The following LDB2 variants were observed in gnomAD, a reference collection of about 807,000 sequenced individuals.
The protein encoded by LDB2 is LIM domain binding 2, also known as LIM domain-binding protein 2.
In LDB2, 12 loss-of-function variants were observed where a neutral mutation model predicts 44.3. The observed-to-expected ratio is 0.27, with a 90% confidence interval of 0.17 to 0.44. LDB2 has a LOEUF of 0.44. LDB2 is among the 20% of genes least tolerant of loss of function. LDB2 has a pLI of 1.00. For synonymous variants in LDB2, 164 were observed against 174.8 expected, an observed-to-expected ratio of 0.94 and a Z score of 0.49; for missense variants, 344 against 473.5, an observed-to-expected ratio of 0.73 and a Z score of 2.54.
At chr4:16,600,293 T>A (rs1336581411) in intron 2 of LDB2, among the ~76,000 whole-genome samples, 14 of 152,216 alleles carry the variant, frequency 9.2e-5, no homozygotes, top group Admixed American at 8.5e-4. Context: ...AATATTGATA[T>A]ACATAAATCT....
At chr4:16,889,213 G>A (rs1464441217) in intron 1 of LDB2, 3 of 152,054 alleles carry the variant, frequency 2.0e-5, no homozygotes, top group Non-Finnish European at 4.4e-5. Flanking sequence ...CTTCAAATAA[G>A]CTGATTAATG....
intron 1 of LDB2, among the ~76,000 whole-genome samples, chr4:16,817,794 G>A (rs897074764): frequency 2.6e-5 from 4 of 152,026 alleles, no homozygotes; most frequent in African/African-American, 9.7e-5. Context: ...AGTATCGAGC[G>A]CAAGGAGTCA....
At chr4:16,564,317 C>T (rs112366628) in intron 5 of LDB2, among the ~76,000 whole-genome samples, 3 of 152,090 alleles carry the variant, frequency 2.0e-5, no homozygotes, top group Non-Finnish European at 4.4e-5. Context: ...GCTGAGATCT[C>T]GTCACCGCAC....
At chr4:16,867,572 G>C (rs1335195186) in intron 1 of LDB2, among the ~76,000 whole-genome samples, 1 of 152,164 alleles carries the variant, frequency 6.6e-6, no homozygotes, top group Non-Finnish European at 1.5e-5. Flanking sequence ...GCCCAGGTTT[G>C]TAGTGTTTTC....
intron 2 of LDB2, among the ~76,000 whole-genome samples, chr4:16,682,938 A>G (rs1179334369): frequency 2.0e-5 from 3 of 152,192 alleles, no homozygotes; most frequent in Non-Finnish European, 4.4e-5. Context: ...TTTCATTTTG[A>G]CATACAGGAT....
chr4:16,682,709 C>T (rs1184716553), intron 2 of LDB2, among the ~76,000 whole-genome samples: 1 of 152,188 alleles, frequency 6.6e-6, no homozygotes, highest in Non-Finnish European at 1.5e-5. Context: ...AAGACTTACC[C>T]CAGTGCAGCT....
chr4:16,691,648 C>T (rs1750795450), intron 2 of LDB2, among the ~76,000 whole-genome samples: 2 of 152,270 alleles, frequency 1.3e-5, no homozygotes, highest in South Asian at 4.1e-4. Context: ...CATGTGAGAT[C>T]AATCTCAACT....
intron 5 of LDB2, among the ~76,000 whole-genome samples, chr4:16,544,905 C>T (rs1735154760): frequency 6.6e-6 from 1 of 152,008 alleles, no homozygotes; most frequent in African/African-American, 2.4e-5. Context: ...GCATAGGACT[C>T]AATGAGATAT....
At chr4:16,845,790 A>T (rs1035243656) in intron 1 of LDB2, among the ~76,000 whole-genome samples, 15 of 152,166 alleles carry the variant, frequency 9.9e-5, no homozygotes, top group African/African-American at 3.6e-4. Flanking sequence ...GTGCAAGAGA[A>T]GTCAAATAGT....
At position 16,720,860 on chromosome 4, in the gene LDB2, C is replaced by T. The variant is rs563293373; in HGVS notation, c.235+38298G>A. Among the ~76,000 whole-genome samples the T allele has an allele frequency of 9.3e-4, 142 of 152,136 alleles. 1 individual carries two copies. The highest frequency in any genetic ancestry group is 3.1e-3 in the Admixed American group (48 of 15,264). Reference sequence around the variant, plus strand: ...TATTTCATGGATAGAAGCTATAAAGCGGTAGGATCCTTCTCAATACAAGGA... The same window carrying T: ...TATTTCATGGATAGAAGCTATAAAGTGGTAGGATCCTTCTCAATACAAGGA... On this transcript the variant is annotated intron_variant, in intron 2 of 7. Coordinates refer to ENST00000304523, the MANE Select transcript of LDB2 (RefSeq NM_001290.5).
Position 16,657,560 on chromosome 4 carries a change from G to C in LDB2, c.236-61685C>G, listed in dbSNP as rs141439519. Among the ~76,000 whole-genome samples the C allele has an allele frequency of 1.9e-3, 282 of 152,244 alleles. 2 individuals are homozygous for C. Among genetic ancestry groups the C allele is most frequent in the African/African-American group, 6.5e-3 (269 of 41,546 alleles). ...TCAAACTTGGAAAATACACAAGTCT[G>C]CCACAAAGCCTACAAGGCCCTACAT... On this transcript the variant is annotated intron_variant, in intron 2 of 7. Transcript: ENST00000304523.
chr4:16,614,580 C>CAAAAAA (rs1164613202), intron 2 of LDB2, among the ~76,000 whole-genome samples: 25 of 53,766 alleles, frequency 4.6e-4, no homozygotes, highest in African/African-American at 7.1e-4. Context: ...CAAGAAAAAA[C>CAAAAAA]AAAAAAAAAA....
chr4:16,755,472 GGTGTGT>G (rs58186199), intron 2 of LDB2, among the ~76,000 whole-genome samples: 20,954 of 118,340 alleles, frequency 0.18, 1,324 homozygotes, highest in Middle Eastern at 0.26. Context: ...GTAGGAATAG[GGTGTGT>G]GTGTGTGTGT....
At chr4:16,595,594 T>A (rs1720644117) in intron 3 of LDB2, 109 bp downstream of exon 3, 1 of 932,136 alleles carries the variant, frequency 1.1e-6, no homozygotes, top group South Asian at 1.7e-5. Flanking sequence ...GTTGAAAGTG[T>A]CTGGGAGATG....
chr4:16,859,890 G>C (rs1328148640), intron 1 of LDB2, among the ~76,000 whole-genome samples: 1 of 152,186 alleles, frequency 6.6e-6, no homozygotes. Flanking sequence ...CAGGCACTAT[G>C]CAAAACGCTT....
intron 1 of LDB2, among the ~76,000 whole-genome samples, chr4:16,854,973 A>C (rs1789058841): frequency 6.6e-6 from 1 of 151,516 alleles, no homozygotes; most frequent in Admixed American, 6.6e-5. Context: ...ATATAATTTC[A>C]CTTCTAAAAA....
At chr4:16,768,840 ATATAAG>A (rs1314403304) in intron 1 of LDB2, among the ~76,000 whole-genome samples, 2 of 151,926 alleles carry the variant, frequency 1.3e-5, no homozygotes, top group African/African-American at 2.4e-5. Flanking sequence ...TGACCCTATA[ATATAAG>A]TAGCATTATT....
chr4:16,594,159 C>T (rs768229100), intron 3 of LDB2, among the ~76,000 whole-genome samples: 2 of 150,130 alleles, frequency 1.3e-5, no homozygotes, highest in Middle Eastern at 6.8e-3. Context: ...TAACATTAAG[C>T]CTAGAGGAAA....
At chr4:16,584,167 A>G (rs1560545294) in intron 5 of LDB2, among the ~76,000 whole-genome samples, 1 of 152,194 alleles carries the variant, frequency 6.6e-6, no homozygotes, top group Non-Finnish European at 1.5e-5. Flanking sequence ...GATGAGACTG[A>G]ACACAAATGA....
Sources: allele counts gnomAD v4.1 joint callset (sites outside exome capture counted in the v4.1 genomes callset), GRCh38; gene constraint gnomAD v4.1.1; transcripts MANE v1.5; gene names NCBI Gene and HGNC (gene_info 2026-07-23, HGNC 2026-07-21).